CNTNAP2: variants seen among roughly 807,000 people sequenced by gnomAD.
CNTNAP2 encodes contactin associated protein 2.
Under a neutral mutation model 155.2 loss-of-function variants are expected in CNTNAP2, and 98 were observed. The observed-to-expected ratio is 0.63, with a 90% CI of 0.54 to 0.75. The LOEUF is 0.75. Among genes scored for constraint, CNTNAP2 ranks in the 30% least tolerant of loss-of-function variants. The probability of loss-of-function intolerance (pLI) is 0.00; values close to 1 mark genes in which losing one functional copy is unlikely to be tolerated. For synonymous variants in CNTNAP2, 651 were observed against 631.2 expected (o/e 1.03, Z -0.47); for missense variants, 1,727 against 1,688.1 (o/e 1.02, Z -0.40).
At chr7:146,907,761 G>A (rs1796170335) in intron 3 of CNTNAP2, among the ~76,000 whole-genome samples, 2 of 149,336 alleles carry the variant, frequency 1.3e-5, no homozygotes, top group African/African-American at 2.5e-5. Flanking sequence ...AAAATCACCA[G>A]CTAACATCAT....
At chr7:146,181,503 A>G (rs892682846) in intron 1 of CNTNAP2, among the ~76,000 whole-genome samples, 5 of 152,262 alleles carry the variant, frequency 3.3e-5, no homozygotes, top group South Asian at 4.1e-4. Flanking sequence ...GCGGTTTTAC[A>G]TATCCTTCCA....
At chr7:147,696,597 C>T (rs919388329) in intron 13 of CNTNAP2, among the ~76,000 whole-genome samples, 4 of 151,942 alleles carry the variant, frequency 2.6e-5, no homozygotes, top group Admixed American at 6.6e-5. Context: ...CATTCTTTAG[C>T]GCTCTCCCTT....
intron 3 of CNTNAP2, among the ~76,000 whole-genome samples, chr7:146,877,644 T>A: frequency 6.6e-6 from 1 of 151,922 alleles, no homozygotes; most frequent in Non-Finnish European, 1.5e-5. Flanking sequence ...TGTGTGTATA[T>A]ATGTGTATAT....
intron 2 of CNTNAP2, among the ~76,000 whole-genome samples, chr7:146,777,140 T>C (rs1414371720): frequency 6.6e-6 from 1 of 152,214 alleles, no homozygotes; most frequent in Non-Finnish European, 1.5e-5. Flanking sequence ...TATACTGGAT[T>C]GTCATACATT....
chr7:147,817,391 ATGTT>A (rs912118761), intron 13 of CNTNAP2, among the ~76,000 whole-genome samples: 4 of 152,148 alleles, frequency 2.6e-5, no homozygotes, highest in African/African-American at 9.7e-5. Context: ...TTGTGAGACA[ATGTT>A]TGTGCTTTTA....
At chr7:146,734,402 C>T (rs1027354507) in intron 1 of CNTNAP2, among the ~76,000 whole-genome samples, 5 of 151,960 alleles carry the variant, frequency 3.3e-5, no homozygotes, top group African/African-American at 1.2e-4. Flanking sequence ...AAAGAAATCC[C>T]AAATAATAAC....
intron 3 of CNTNAP2, among the ~76,000 whole-genome samples, chr7:146,992,551 C>T (rs1798228488): frequency 6.6e-6 from 1 of 152,098 alleles, no homozygotes; most frequent in African/African-American, 2.4e-5. Context: ...CCAGGTTCCA[C>T]CCCAGAACAG....
intron 22 of CNTNAP2, among the ~76,000 whole-genome samples, chr7:148,404,103 G>A (rs1277674216): frequency 3.3e-5 from 5 of 152,184 alleles, no homozygotes; most frequent in Non-Finnish European, 7.3e-5. Flanking sequence ...CTGCATAGAA[G>A]GTTTTGTTAT....
chr7:146,916,618 A>T (rs1203062291), intron 3 of CNTNAP2, among the ~76,000 whole-genome samples: 1 of 152,046 alleles, frequency 6.6e-6, no homozygotes, highest in Non-Finnish European at 1.5e-5. Flanking sequence ...TATGCATGTA[A>T]AGATTTTCAG....
At chr7:147,403,338 A>C (rs1441845396) in intron 10 of CNTNAP2, among the ~76,000 whole-genome samples, 1 of 152,158 alleles carries the variant, frequency 6.6e-6, no homozygotes, top group East Asian at 1.9e-4. Flanking sequence ...TATAAAACCA[A>C]GTCACACCCC....
At chr7:147,385,759 G>T (rs988617329) in intron 9 of CNTNAP2, among the ~76,000 whole-genome samples, 1 of 152,158 alleles carries the variant, frequency 6.6e-6, no homozygotes, top group African/African-American at 2.4e-5. Flanking sequence ...GCTGTAGGTG[G>T]ATCTACCATT....
intron 3 of CNTNAP2, among the ~76,000 whole-genome samples, chr7:146,866,761 C>A (rs73170372): frequency 1.3e-5 from 2 of 151,870 alleles, no homozygotes; most frequent in Non-Finnish European, 2.9e-5. Context: ...TGTAATAGAG[C>A]AGAGTTGGAA....
chr7:147,840,417 A>G (rs1798709795), intron 13 of CNTNAP2, among the ~76,000 whole-genome samples: 2 of 152,156 alleles, frequency 1.3e-5, no homozygotes, highest in South Asian at 4.1e-4. Flanking sequence ...GTGGGGGCAG[A>G]GGAAGGAGCC....
intron 9 of CNTNAP2, among the ~76,000 whole-genome samples, chr7:147,308,860 G>C (rs1795076480): frequency 6.6e-6 from 1 of 151,822 alleles, no homozygotes; most frequent in Admixed American, 6.6e-5. Flanking sequence ...CTGCATCTAG[G>C]GTCAAGAATC....
intron 1 of CNTNAP2, among the ~76,000 whole-genome samples, chr7:146,330,424 G>A (rs1801166505): frequency 6.6e-6 from 1 of 152,108 alleles, no homozygotes; most frequent in African/African-American, 2.4e-5. Context: ...GATATGGGTG[G>A]CTATAAAACA....
At chr7:147,249,896 G>A (rs528802418) in intron 8 of CNTNAP2, among the ~76,000 whole-genome samples, 4 of 152,020 alleles carry the variant, frequency 2.6e-5, no homozygotes, top group African/African-American at 9.7e-5. Flanking sequence ...CAACCCTCAC[G>A]CAGCTTTCAT....
At chr7:148,031,813 A>T (rs142805734) in intron 15 of CNTNAP2, among the ~76,000 whole-genome samples, 14 of 152,148 alleles carry the variant, frequency 9.2e-5, no homozygotes, top group African/African-American at 3.4e-4. Flanking sequence ...GAATGGCAGT[A>T]TTTTTACCCT....
At chr7:148,064,464 G>A (rs539065726) in intron 15 of CNTNAP2, among the ~76,000 whole-genome samples, 1 of 151,942 alleles carries the variant, frequency 6.6e-6, no homozygotes, top group Admixed American at 6.6e-5. Context: ...AATCAGTAAA[G>A]AGGAAGTCAA....
At chr7:146,555,233 A>C (rs1047399316) in intron 1 of CNTNAP2, among the ~76,000 whole-genome samples, 1 of 152,182 alleles carries the variant, frequency 6.6e-6, no homozygotes, top group Non-Finnish European at 1.5e-5. Context: ...CAACTGCTAC[A>C]TCAGCAATTC....
Sources: gnomAD v4.1 joint callset for allele counts (sites outside exome capture counted in the v4.1 genomes callset) on GRCh38, gnomAD v4.1.1 for gene constraint, MANE v1.5 for transcripts, NCBI Gene and HGNC (gene_info 2026-07-23, HGNC 2026-07-21) for gene names.